Variants in RGS5 observed in about 807,000 individuals in gnomAD.
RGS5 encodes the protein regulator of G protein signaling 5.
A neutral mutation model predicts 18.9 loss-of-function variants in RGS5; 20 were observed. The observed-to-expected ratio is 1.06, with a 90% confidence interval of 0.74 to 1.54. The LOEUF is 1.54. Ranked by LOEUF, RGS5 falls within the 40% of genes most tolerant of loss-of-function variation. RGS5 has a pLI of 0.00. For missense variants in RGS5, 201 were observed against 211.8 expected (o/e 0.95, Z 0.32); for synonymous variants, 57 against 76.2 (o/e 0.75, Z 1.31).
In RGS5 at chr1:163,175,671, C is replaced by T. The variant is rs140853941; in HGVS notation, c.45-7303G>A. Among the ~76,000 whole-genome samples the T allele has an allele frequency of 7.3e-3, 1,114 of 152,282 alleles. 10 individuals carry two copies. Among genetic ancestry groups the T allele is most frequent in the African/African-American group, 0.025 (1,045 of 41,556 alleles). On this transcript the variant is annotated intron_variant, in intron 1 of 4. Coordinates refer to ENST00000313961, the MANE Select transcript of RGS5 (RefSeq NM_003617.4). Reference sequence around the variant, plus strand: ...CTGAATTTACCTACTTCAGTTTGAACTACAGAAAATTCACTCATTGCTTGT... The same window carrying T: ...CTGAATTTACCTACTTCAGTTTGAATTACAGAAAATTCACTCATTGCTTGT...
Position 163,147,518 on chromosome 1 carries a change from A to G in RGS5, c.385-15T>C. ...TCAATATTCACCTGTGGGCCAGGAA[A>G]CAGGGTCACTACATAAGCCTAAGTT... On this transcript the variant is annotated splice_polypyrimidine_tract_variant and intron_variant, in intron 4 of 4. Coordinates refer to ENST00000313961, the MANE Select transcript of RGS5 (RefSeq NM_003617.4). The G allele has an allele frequency of 6.4e-7, 1 of 1,565,286 alleles. No homozygotes were observed. The highest frequency in any genetic ancestry group is 8.6e-7 in the Non-Finnish European group (1 of 1,159,624).
intron 2 of RGS5, among the ~76,000 whole-genome samples, chr1:163,264,366 A>T (rs1301784892): frequency 6.6e-6 from 1 of 152,156 alleles, no homozygotes; most frequent in Non-Finnish European, 1.5e-5. Flanking sequence ...AAATTAGACT[A>T]ATAGTCATAT....
intron 3 of RGS5, among the ~76,000 whole-genome samples, chr1:163,156,830 C>T (rs1186174360): frequency 1.3e-5 from 2 of 152,170 alleles, no homozygotes; most frequent in East Asian, 3.8e-4. Flanking sequence ...TGTGATGGCA[C>T]TCAAGTCCTA....
intron 1 of RGS5, among the ~76,000 whole-genome samples, chr1:163,177,736 GATA>G (rs1658618295): frequency 6.6e-6 from 1 of 152,146 alleles, no homozygotes; most frequent in African/African-American, 2.4e-5. Context: ...AACTCTTAAA[GATA>G]ATAATAATAG....
chr1:163,314,551 C>T (rs1649961275), intron 1 of RGS5, among the ~76,000 whole-genome samples: 1 of 150,928 alleles, frequency 6.6e-6, no homozygotes, highest in South Asian at 2.1e-4. Flanking sequence ...AACAAAACAA[C>T]AACAACAACA....
intron 2 of RGS5, among the ~76,000 whole-genome samples, chr1:163,260,916 T>C (rs1413753374): frequency 1.3e-5 from 2 of 152,214 alleles, no homozygotes; most frequent in Admixed American, 1.3e-4. Context: ...TTTAAATGAC[T>C]GTGTGACCAT....
intron 1 of RGS5, among the ~76,000 whole-genome samples, chr1:163,179,534 A>C (rs903744404): frequency 5.9e-5 from 9 of 152,230 alleles, no homozygotes; most frequent in Admixed American, 5.2e-4. Context: ...AACATAGAGC[A>C]TAACAATTGG....
chr1:163,165,196 C>T (rs371496089), intron 2 of RGS5, among the ~76,000 whole-genome samples: 1 of 152,104 alleles, frequency 6.6e-6, no homozygotes, highest in Non-Finnish European at 1.5e-5. Context: ...ACCAGGTGAG[C>T]GTATGCAGGA....
At chr1:163,296,349 A>G (rs549824298) in intron 2 of RGS5, among the ~76,000 whole-genome samples, 60 of 152,302 alleles carry the variant, frequency 3.9e-4, no homozygotes, top group Non-Finnish European at 7.9e-4. Context: ...AATTCTTCTA[A>G]TATTTGGCTA....
intron 1 of RGS5, among the ~76,000 whole-genome samples, chr1:163,199,576 A>T (rs1040733016): frequency 3.9e-5 from 6 of 151,958 alleles, no homozygotes; most frequent in Non-Finnish European, 7.4e-5. Flanking sequence ...TTTGTTGTTT[A>T]AAAAAAAGTT....
intron 3 of RGS5, among the ~76,000 whole-genome samples, chr1:163,159,727 TAAG>T (rs1207066599): frequency 6.6e-6 from 1 of 152,162 alleles, no homozygotes; most frequent in East Asian, 1.9e-4. Context: ...ATTAATTACT[TAAG>T]AAGATAATTA....
chr1:163,236,099 A>G (rs958849786), intron 2 of RGS5, among the ~76,000 whole-genome samples: 1 of 152,212 alleles, frequency 6.6e-6, no homozygotes, highest in African/African-American at 2.4e-5. Flanking sequence ...CTTCCAATCT[A>G]GCATAATTGG....
chr1:163,244,499 C>T (rs1343687017), intron 2 of RGS5: 2 of 152,108 alleles, frequency 1.3e-5, no homozygotes, highest in East Asian at 3.9e-4. Flanking sequence ...AAACAAGCTA[C>T]AAGGATTACA....
At chr1:163,188,295 GGTTAGACCTCA>G (rs1659179850) in intron 1 of RGS5, among the ~76,000 whole-genome samples, 1 of 152,116 alleles carries the variant, frequency 6.6e-6, no homozygotes, top group African/African-American at 2.4e-5. Context: ...CAAAGTGCTG[GGTTAGACCTCA>G]GTGTTGGACC....
chr1:163,229,750 T>A (rs1371153223), intron 2 of RGS5, among the ~76,000 whole-genome samples: 5 of 152,200 alleles, frequency 3.3e-5, no homozygotes, highest in Non-Finnish European at 7.3e-5. Flanking sequence ...CAGTGAGACT[T>A]TTCCTATGGT....
At chr1:163,308,499 A>T (rs909219400) in intron 1 of RGS5, 4 of 152,208 alleles carry the variant, frequency 2.6e-5, no homozygotes, top group Non-Finnish European at 4.4e-5. Context: ...CATAATATTA[A>T]ACTGTTTTAT....
At chr1:163,316,548 G>A (rs1376048127) in intron 1 of RGS5, among the ~76,000 whole-genome samples, 1 of 150,632 alleles carries the variant, frequency 6.6e-6, no homozygotes, top group African/African-American at 2.4e-5. Context: ...AAGCTATGAT[G>A]ACACCAGCCT....
chr1:163,167,799 T>C (rs2456899), intron 2 of RGS5, among the ~76,000 whole-genome samples: 19,700 of 152,148 alleles, frequency 0.13, 1,496 homozygotes, highest in Non-Finnish European at 0.17. Context: ...TGCCTTGTCC[T>C]TAGTATCTTT....
At chr1:163,286,949 G>T (rs1393084281) in intron 2 of RGS5, among the ~76,000 whole-genome samples, 2 of 152,088 alleles carry the variant, frequency 1.3e-5, no homozygotes, top group East Asian at 3.8e-4. Context: ...TATATTTTGT[G>T]AAAGCAAAGT....
Sources: allele counts gnomAD v4.1 joint callset (sites outside exome capture counted in the v4.1 genomes callset), GRCh38; gene constraint gnomAD v4.1.1; transcripts MANE v1.5; gene names NCBI Gene and HGNC (gene_info 2026-07-23, HGNC 2026-07-21).